DMD: variants seen among roughly 807,000 people sequenced by gnomAD.
DMD encodes the protein dystrophin, also known as mutant dystrophin.
Under a neutral mutation model 330.1 loss-of-function variants are expected in DMD, and 63 were observed. The observed-to-expected ratio is 0.19, with a 90% CI of 0.16 to 0.24. The LOEUF (loss-of-function observed/expected upper bound fraction) is 0.24. DMD is among the 10% of genes least tolerant of loss of function. DMD has a pLI of 1.00. For synonymous variants in DMD, 1,223 were observed against 959.8 expected (o/e 1.27, Z -5.07); for missense variants, 3,344 against 2,684.1 (o/e 1.25, Z -5.43).
At chrX:32,425,562 C>A (rs988976675) in intron 29 of DMD, among the ~76,000 whole-genome samples, 2 of 111,653 alleles carry the variant, frequency 1.8e-5, no homozygotes, top group East Asian at 5.6e-4. Flanking sequence ...GCCTTTCTTT[C>A]TCATTTTTTC....
At chrX:31,953,732 C>T (rs182057252) in intron 45 of DMD, among the ~76,000 whole-genome samples, 1 of 111,594 alleles carries the variant, frequency 9.0e-6, no homozygotes, top group African/African-American at 3.3e-5. Context: ...CTTACTCTTA[C>T]AACATCTCTA....
At chrX:33,201,089 G>T (rs1216153804) in intron 1 of DMD, among the ~76,000 whole-genome samples, 3 of 108,954 alleles carry the variant, frequency 2.8e-5, no homozygotes, top group East Asian at 2.9e-4. Flanking sequence ...ACGCCACCAC[G>T]TCTGGCTAAT....
At chrX:32,455,095 C>T (rs1454995958) in intron 25 of DMD, among the ~76,000 whole-genome samples, 1 of 110,767 alleles carries the variant, frequency 9.0e-6, no homozygotes, top group Non-Finnish European at 1.9e-5. Context: ...GTTTGTGTGA[C>T]AATGCTTTTC....
chrX:32,484,384 C>A (rs758208064), intron 21 of DMD, among the ~76,000 whole-genome samples: 1 of 112,085 alleles, frequency 8.9e-6, no homozygotes, highest in East Asian at 2.8e-4. Flanking sequence ...ATAATTGCTC[C>A]ACTTTTATCT....
At chrX:31,228,941 T>C (rs1319156619) in intron 63 of DMD, among the ~76,000 whole-genome samples, 1 of 112,375 alleles carries the variant, frequency 8.9e-6, no homozygotes, top group Non-Finnish European at 1.9e-5. Context: ...AGGGCAAACA[T>C]CAAACCACCT....
intron 7 of DMD, among the ~76,000 whole-genome samples, chrX:32,730,683 A>G (rs2067479705): frequency 8.9e-6 from 1 of 112,301 alleles, no homozygotes; most frequent in African/African-American, 3.2e-5. Flanking sequence ...AATCTTTAAT[A>G]TAGGTAGTGG....
At chrX:33,075,148 T>C (rs926145780) in intron 1 of DMD, among the ~76,000 whole-genome samples, 4 of 111,711 alleles carry the variant, frequency 3.6e-5, no homozygotes, top group African/African-American at 1.3e-4. Flanking sequence ...TTTTGAGATA[T>C]CTGTTCAGAT....
intron 1 of DMD, among the ~76,000 whole-genome samples, chrX:33,073,557 G>A (rs1180298337): frequency 9.0e-6 from 1 of 111,558 alleles, no homozygotes; most frequent in Non-Finnish European, 1.9e-5. Flanking sequence ...GCAGGTGGGC[G>A]TGGTGGCTCA....
At chrX:31,335,995 A>G (rs750950278) in intron 61 of DMD, among the ~76,000 whole-genome samples, 11 of 112,836 alleles carry the variant, frequency 9.7e-5, no homozygotes, top group Non-Finnish European at 1.7e-4. Flanking sequence ...CAAAATGGCC[A>G]GGTCATTATT....
intron 29 of DMD, among the ~76,000 whole-genome samples, chrX:32,417,802 C>G (rs1379813281): frequency 9.5e-6 from 1 of 105,519 alleles, no homozygotes; most frequent in Non-Finnish European, 1.9e-5. Flanking sequence ...CCCAAATAAA[C>G]CCGAACTTTG....
chrX:33,067,419 T>C lies in DMD; in HGVS notation c.32-47219A>G, dbSNP rs776775053. 1.3e-3 allele frequency among the ~76,000 whole-genome samples: 150 copies of C among 112,785 alleles called. 1 individual carries two copies. Among genetic ancestry groups the C allele is most frequent in the African/African-American group, 4.5e-3 (141 of 31,133 alleles). ...CAAAGAAAGAAGAGATGGTTCCAAT[T>C]ACAATAATCAAAGAGGTGATTTTCT... On this transcript the variant is annotated intron_variant, in intron 1 of 78. Coordinates refer to ENST00000357033, the MANE Select transcript of DMD (RefSeq NM_004006.3).
intron 44 of DMD, among the ~76,000 whole-genome samples, chrX:32,195,257 C>G (rs1484541041): frequency 1.8e-5 from 2 of 111,084 alleles, no homozygotes. Flanking sequence ...AATAAAATGT[C>G]AAAGCTGCAT....
At chrX:32,033,653 G>GT (rs2095910093) in intron 44 of DMD, among the ~76,000 whole-genome samples, 5 of 59,086 alleles carry the variant, frequency 8.5e-5, no homozygotes, top group Non-Finnish European at 1.2e-4. Flanking sequence ...AAGAAAGAAA[G>GT]AAGAAAGAAA....
At chrX:33,212,188 A>G (rs777765233), upstream of DMD, among the ~76,000 whole-genome samples, 6 of 112,471 alleles carry the variant, frequency 5.3e-5, no homozygotes, top group Admixed American at 1.9e-4. Context: ...TTTTTCTCAA[A>G]TCCTAAATTT....
chrX:33,094,904 G>A (rs2095136496), intron 1 of DMD, among the ~76,000 whole-genome samples: 1 of 110,934 alleles, frequency 9.0e-6, no homozygotes. Context: ...TTAGGTTAAA[G>A]GGGTAGCCAA....
At chrX:31,146,167 A>G (rs2036670972) in intron 76 of DMD, 124 bp downstream of exon 76, 1 of 872,862 alleles carries the variant, frequency 1.1e-6, no homozygotes, top group Admixed American at 2.3e-5. Context: ...CGCCTGGTAT[A>G]TGATTTTCAG....
intron 2 of DMD, among the ~76,000 whole-genome samples, chrX:32,855,775 T>C (rs999796011): frequency 1.2e-4 from 13 of 111,263 alleles, no homozygotes; most frequent in Admixed American, 6.7e-4. Context: ...TCTTGAGCAA[T>C]ACCCTACCAA....
chrX:33,118,772 A>G (rs1320015365), intron 1 of DMD, among the ~76,000 whole-genome samples: 1 of 111,957 alleles, frequency 8.9e-6, no homozygotes, highest in Non-Finnish European at 1.9e-5. Context: ...CATGGGTATT[A>G]CATTAGCCAA....
intron 7 of DMD, among the ~76,000 whole-genome samples, chrX:32,719,159 G>A (rs1307020464): frequency 8.9e-6 from 1 of 111,746 alleles, no homozygotes; most frequent in South Asian, 3.7e-4. Context: ...TCATAGCAGT[G>A]TTCCTCAAAG....
Sources: allele counts gnomAD v4.1 joint callset (sites outside exome capture counted in the v4.1 genomes callset), GRCh38; gene constraint gnomAD v4.1.1; transcripts MANE v1.5; gene names NCBI Gene and HGNC (gene_info 2026-07-23, HGNC 2026-07-21).